CDH2: variants seen among roughly 807,000 people sequenced by gnomAD.
CDH2 encodes cadherin-2.
A neutral mutation model predicts 92.0 loss-of-function variants in CDH2; 17 were observed. The observed-to-expected ratio is 0.18, with a 90% CI of 0.13 to 0.28. The LOEUF (loss-of-function observed/expected upper bound fraction) is 0.28, where lower values mean the gene tolerates loss of function less well. CDH2 is among the 10% of genes least tolerant of loss of function. The pLI is 1.00. For missense variants in CDH2, 862 were observed against 1,133.1 expected, an observed-to-expected ratio of 0.76 and a Z score of 3.44; for synonymous variants, 419 against 415.9, an observed-to-expected ratio of 1.01 and a Z score of -0.09.
intron 2 of CDH2, among the ~76,000 whole-genome samples, chr18:28,112,192 T>C (rs1267960432): frequency 2.0e-5 from 3 of 152,218 alleles, no homozygotes; most frequent in African/African-American, 4.8e-5. Flanking sequence ...GCAGACCACT[T>C]ATCTAATCAC....
Position 28,174,973 on chromosome 18 carries a change from A to T in CDH2, c.60+1990T>A, listed in dbSNP as rs145551701. On this transcript the variant is annotated intron_variant, in intron 1 of 15. Coordinates refer to ENST00000269141, the MANE Select transcript of CDH2 (RefSeq NM_001792.5). ...ATCACATCTCCTTTGTTAAAAAAAA[A>T]TCCTAATACACAGGAGTCTTTAAGT... 1.0e-3 allele frequency among the ~76,000 whole-genome samples: 157 copies of T among 152,330 alleles called. 1 individual carries two copies. The highest frequency in any genetic ancestry group is 3.6e-3 in the African/African-American group (149 of 41,594).
At chr18:28,127,201 AG>A (rs1214629480) in intron 2 of CDH2, among the ~76,000 whole-genome samples, 1 of 152,190 alleles carries the variant, frequency 6.6e-6, no homozygotes, top group African/African-American at 2.4e-5. Flanking sequence ...TTTCTTTTGT[AG>A]AAAAAAAAAC....
chr18:28,015,459 C>A (rs1277783124), intron 2 of CDH2, among the ~76,000 whole-genome samples: 1 of 152,114 alleles, frequency 6.6e-6, no homozygotes, highest in Admixed American at 6.5e-5. Flanking sequence ...AAATGGGAAT[C>A]TTTTCTACAG....
At chr18:27,964,211 G>C (rs1263984833) in intron 14 of CDH2, among the ~76,000 whole-genome samples, 1 of 152,168 alleles carries the variant, frequency 6.6e-6, no homozygotes, top group Non-Finnish European at 1.5e-5. Context: ...AGAGAGGGTG[G>C]ATTTTCTTCC....
At chr18:28,123,427 C>CATAAGATTATATTATGTGATTA (rs2144276310) in intron 2 of CDH2, among the ~76,000 whole-genome samples, 1 of 152,212 alleles carries the variant, frequency 6.6e-6, no homozygotes, top group African/African-American at 2.4e-5. Context: ...GATTAAGTCA[C>CATAAGATTATATTATGTGATTA]AGATATTAAC....
At chr18:28,169,660 A>G (rs1272130950) in intron 1 of CDH2, among the ~76,000 whole-genome samples, 1 of 152,188 alleles carries the variant, frequency 6.6e-6, no homozygotes, top group Non-Finnish European at 1.5e-5. Flanking sequence ...TACACTATCT[A>G]ATTTTTAAAT....
chr18:28,136,567 T>C (rs1005092194), intron 2 of CDH2, among the ~76,000 whole-genome samples: 11 of 152,180 alleles, frequency 7.2e-5, no homozygotes, highest in Admixed American at 7.2e-4. Flanking sequence ...GATCAATTGT[T>C]AACATGAATA....
intron 15 of CDH2, among the ~76,000 whole-genome samples, chr18:27,955,505 C>A (rs939055579): frequency 6.6e-6 from 1 of 150,718 alleles, no homozygotes; most frequent in Admixed American, 6.6e-5. Context: ...AAAGGGATGG[C>A]CTGTGTTTAC....
chr18:28,079,304 T>A (rs995060207), intron 2 of CDH2, among the ~76,000 whole-genome samples: 1 of 152,232 alleles, frequency 6.6e-6, no homozygotes, highest in African/African-American at 2.4e-5. Context: ...AATTTCTCTA[T>A]TAATTTTTAG....
chr18:27,981,188 G>T (rs2012040948), intron 14 of CDH2, among the ~76,000 whole-genome samples: 1 of 152,096 alleles, frequency 6.6e-6, no homozygotes, highest in Admixed American at 6.6e-5. Flanking sequence ...GCCTAATTGA[G>T]CTGGGTTTTA....
chr18:28,096,477 C>T (rs1296630326), intron 2 of CDH2, among the ~76,000 whole-genome samples: 1 of 149,220 alleles, frequency 6.7e-6, no homozygotes, highest in African/African-American at 2.5e-5. Context: ...TAATTAGTAA[C>T]ACATTTCTGG....
intron 2 of CDH2, among the ~76,000 whole-genome samples, chr18:28,073,221 T>C (rs1403466373): frequency 1.3e-5 from 2 of 152,198 alleles, no homozygotes; most frequent in Admixed American, 6.5e-5. Flanking sequence ...ACTACATCGA[T>C]AAATTTGCCA....
chr18:28,174,711 T>C (rs17495417), intron 1 of CDH2, among the ~76,000 whole-genome samples: 11,107 of 152,162 alleles, frequency 0.073, 1,323 homozygotes, highest in African/African-American at 0.25. Context: ...AAACAGAAAA[T>C]GAGAGTGCTC....
At chr18:28,005,772 A>T in intron 6 of CDH2, 77 bp downstream of exon 6, 1 of 945,790 alleles carries the variant, frequency 1.1e-6, no homozygotes, top group Non-Finnish European at 1.5e-6. Flanking sequence ...TGATTTCTCC[A>T]TTTCTTGCTC....
intron 2 of CDH2, among the ~76,000 whole-genome samples, chr18:28,103,408 GTATATA>G (rs1292435866): frequency 2.8e-5 from 4 of 142,478 alleles, no homozygotes; most frequent in African/African-American, 7.8e-5. Flanking sequence ...TATAAAGTAT[GTATATA>G]TATAAAGTAT....
intron 6 of CDH2, 92 bp downstream of exon 6, chr18:28,005,757 T>C: frequency 1.3e-6 from 1 of 772,198 alleles, no homozygotes. Context: ...CCAAAAAGCC[T>C]CATATGATTT....
At chr18:28,020,194 C>CA (rs2013370095) in intron 2 of CDH2, among the ~76,000 whole-genome samples, 1 of 151,996 alleles carries the variant, frequency 6.6e-6, no homozygotes, top group South Asian at 2.1e-4. Flanking sequence ...TAGGAACAAA[C>CA]ACTAAAACTT....
chr18:28,109,851 T>G (rs1484949635), intron 2 of CDH2, among the ~76,000 whole-genome samples: 2 of 152,244 alleles, frequency 1.3e-5, no homozygotes, highest in Non-Finnish European at 2.9e-5. Context: ...AGTGTCAGCA[T>G]GTATAAAGTG....
At chr18:28,091,201 T>A (rs1295514745) in intron 2 of CDH2, among the ~76,000 whole-genome samples, 1 of 152,204 alleles carries the variant, frequency 6.6e-6, no homozygotes, top group East Asian at 1.9e-4. Context: ...TTTTTCCTAC[T>A]AGAAATTGAC....
Sources: gnomAD v4.1 joint callset for allele counts (sites outside exome capture counted in the v4.1 genomes callset) on GRCh38, gnomAD v4.1.1 for gene constraint, MANE v1.5 for transcripts, NCBI Gene and HGNC (gene_info 2026-07-23, HGNC 2026-07-21) for gene names.